MCM8: variants seen among roughly 807,000 people sequenced by gnomAD.
MCM8 encodes the protein minichromosome maintenance 8 homologous recombination repair factor, also known as DNA helicase MCM8.
Under a neutral mutation model 98.9 loss-of-function variants are expected in MCM8, and 85 were observed. The observed-to-expected ratio is 0.86, with a 90% CI of 0.72 to 1.03. The LOEUF (loss-of-function observed/expected upper bound fraction) is 1.03, where lower values mean the gene tolerates loss of function less well. MCM8 is among the 50% of genes least tolerant of loss of function. The pLI is 0.00. For missense variants in MCM8, 951 were observed against 997.8 expected (o/e 0.95, Z 0.63); for synonymous variants, 352 against 338.6 (o/e 1.04, Z -0.44).
chr20:5,962,100 G>C (rs958228261), intron 7 of MCM8, among the ~76,000 whole-genome samples: 4 of 152,170 alleles, frequency 2.6e-5, no homozygotes, highest in Non-Finnish European at 5.9e-5. Flanking sequence ...GGCTGGCCAG[G>C]CATCTTCTTC....
chr20:5,998,808 T>C lies in MCM8; in HGVS notation c.*4417T>C, dbSNP rs1423374488. On this transcript the variant is annotated 3_prime_UTR_variant, in exon 19 of 19. Transcript: ENST00000610722. ...TTCACAAAACTACCTACTCGTTTTATTTAACCCTCAGAAGAACTGAAAACA... is the reference window on the plus strand; with the variant it reads ...TTCACAAAACTACCTACTCGTTTTACTTAACCCTCAGAAGAACTGAAAACA... 6.6e-6 allele frequency: 1 copy of C among 152,240 alleles called. No individual in the cohort carries two copies. The highest frequency in any genetic ancestry group is 2.4e-5 in the African/African-American group (1 of 41,458). 9.4% of individuals were successfully genotyped at this position (152,240 alleles called of 1,614,324 possible). A position where few individuals can be genotyped will look rare whatever the true frequency, so the allele number is the denominator to read the frequency against.
chr20:5,958,670 T>C lies in MCM8; in HGVS notation c.733T>C (p.Cys245Arg), dbSNP rs1423328161. ...CTKMAFLCAA[C>R]GEIQSFPLPD... The stretch of plus-strand genomic sequence containing the variant: ...CAAGATGGCTTTTCTTTGTGCTGCA[T>C]GTGGAGAAATTCAGAGCTTTCCTCT... Residue 245 changes from cysteine to arginine, a missense_variant, in exon 7 of 19, where the codon TGT becomes CGT. By Grantham distance (180) the Cys-to-Arg change is radical (BLOSUM62 -3). Coordinates refer to ENST00000610722, the MANE Select transcript of MCM8 (RefSeq NM_032485.6). 1 of 1,614,178 alleles carries C rather than the reference T, an allele frequency of 6.2e-7. No homozygotes were observed. Among genetic ancestry groups the C allele is most frequent in the Admixed American group, 1.7e-5 (1 of 60,028 alleles).
intron 10 of MCM8, among the ~76,000 whole-genome samples, chr20:5,971,757 T>A (rs906139137): frequency 3.9e-5 from 6 of 152,230 alleles, no homozygotes; most frequent in African/African-American, 1.4e-4. Context: ...AACATTGTAT[T>A]TAGTTACTTT....
intron 6 of MCM8, among the ~76,000 whole-genome samples, chr20:5,957,877 C>G (rs1392348699): frequency 2.6e-5 from 4 of 152,120 alleles, no homozygotes; most frequent in African/African-American, 9.7e-5. Context: ...AGGTAATCAT[C>G]AGCATTTTGT....
intron 8 of MCM8, chr20:5,965,622 TTA>T (rs1463328383): frequency 6.6e-6 from 1 of 152,208 alleles, no homozygotes; most frequent in Non-Finnish European, 1.5e-5. Flanking sequence ...TTTTTACCCC[TTA>T]AATGAAAATG....
In MCM8 at chr20:5,967,990, T is replaced by C. The variant is rs373956406; in HGVS notation, c.1188T>C (p.Ile396=). The change falls in exon 10 of 19, where the codon ATT becomes ATC. Residue 396 remains isoleucine (I), a synonymous_variant. Transcript: ENST00000610722. ...AAGACCTTTATGCCATCCAAGAGAT[T>C]CAAGCTGAAGAAAACCTGTTTAAAC... ...SLKDLYAIQE[I]QAEENLFKLI... is the part of the protein sequence containing the mutation. The C allele has an allele frequency of 3.1e-6, 5 of 1,612,220 alleles. No homozygotes were observed. The highest frequency in any genetic ancestry group is 2.2e-5 in the East Asian group (1 of 44,806).
chr20:5,969,713 A>G (rs1488720963), intron 10 of MCM8, among the ~76,000 whole-genome samples: 1 of 152,148 alleles, frequency 6.6e-6, no homozygotes, highest in Non-Finnish European at 1.5e-5. Flanking sequence ...CTGAGTAAAG[A>G]ATAGTGCTCC....
rs1223478418 is a variant in MCM8, at chr20:5,977,999, C to G, written c.1519C>G (p.Leu507Val). 20 of 1,614,056 alleles carry G rather than the reference C, an allele frequency of 1.2e-5. No homozygotes were observed. Among genetic ancestry groups the G allele is most frequent in the Non-Finnish European group, 1.7e-5 (20 of 1,180,052 alleles). Residue 507 changes from leucine to valine, a missense_variant, in exon 13 of 19, where the codon CTG becomes GTG. By Grantham distance (32) the Leu-to-Val change is conservative. Transcript: ENST00000610722. ...AGATTTTGCTTTGGAAGCTGGTGCCCTGGTACTTGGTGATCAAGGTGAGAG... is the reference window on the plus strand; with the variant it reads ...AGATTTTGCTTTGGAAGCTGGTGCCGTGGTACTTGGTGATCAAGGTGAGAG... ...SGDFALEAGALVLGDQGICGI... is the reference protein window; with the variant it reads ...SGDFALEAGAVVLGDQGICGI...
At chr20:5,970,805 T>C (rs76498344) in intron 10 of MCM8, among the ~76,000 whole-genome samples, 11,270 of 152,230 alleles carry the variant, frequency 0.074, 524 homozygotes, top group East Asian at 0.24. Context: ...CTGTTTTATA[T>C]TCTTTCTCTT....
chr20:5,977,781 A>G (rs559691540), intron 12 of MCM8, 95 bp from the exon 13 acceptor site: 1 of 1,310,872 alleles, frequency 7.6e-7, no homozygotes, highest in South Asian at 1.4e-5. Context: ...TCTTAAAAGA[A>G]TACCTAGCAT....
At position 5,967,453 on chromosome 20, in the gene MCM8, C is replaced by A; in HGVS notation, c.893C>A (p.Ser298Tyr). 2 of 1,613,528 alleles carry A rather than the reference C, an allele frequency of 1.2e-6. No homozygotes were observed. Among genetic ancestry groups the A allele is most frequent in the South Asian group, 2.2e-5 (2 of 90,922 alleles). ...WQSIKIQELM[S>Y]DDQREAGRIP... ...CTTTTTAGAATCCAGGAATTGATGT[C>A]TGATGATCAGAGAGAAGCAGGTCGG... The change falls in exon 9 of 19, where the codon TCT (serine) becomes TAT (tyrosine). Residue 298 changes from serine to tyrosine, a missense_variant. By Grantham distance (144) the Ser-to-Tyr change is moderately radical (BLOSUM62 -2). Coordinates refer to ENST00000610722, the MANE Select transcript of MCM8 (RefSeq NM_032485.6).
chr20:5,951,157 T>C (rs1352910705), intron 1 of MCM8, 134 bp downstream of exon 1: 1 of 152,264 alleles, frequency 6.6e-6, no homozygotes, highest in African/African-American at 2.4e-5. Context: ...TCTCAGCATA[T>C]TGTCTCGTTT....
intron 13 of MCM8, among the ~76,000 whole-genome samples, chr20:5,982,117 A>G (rs569317406): frequency 5.3e-5 from 8 of 152,076 alleles, no homozygotes; most frequent in Non-Finnish European, 1.2e-4. Flanking sequence ...AACTAAAGGC[A>G]CTGTATGTGC....
chr20:5,987,753 A>G (rs1180091787), intron 17 of MCM8, among the ~76,000 whole-genome samples: 4 of 152,082 alleles, frequency 2.6e-5, no homozygotes, highest in African/African-American at 7.2e-5. Flanking sequence ...AGAGTATTCT[A>G]TTGTGTAGAT....
chr20:5,968,909 A>G (rs1242790508), intron 10 of MCM8, among the ~76,000 whole-genome samples: 1 of 152,246 alleles, frequency 6.6e-6, no homozygotes, highest in Non-Finnish European at 1.5e-5. Context: ...TTTTATTTCC[A>G]TGCTATTGCC....
chr20:5,976,300 T>G (rs1036229588), intron 12 of MCM8, among the ~76,000 whole-genome samples: 1 of 152,186 alleles, frequency 6.6e-6, no homozygotes, highest in South Asian at 2.1e-4. Context: ...GGCATGCTCC[T>G]ATAGTCCCAG....
intron 1 of MCM8, among the ~76,000 whole-genome samples, chr20:5,951,743 G>C (rs545499248): frequency 6.6e-6 from 1 of 152,278 alleles, no homozygotes; most frequent in East Asian, 1.9e-4. Context: ...TACAGTACCT[G>C]TCCTTATTTT....
chr20:5,982,166 C>G (rs914671799), intron 13 of MCM8, among the ~76,000 whole-genome samples: 1 of 152,156 alleles, frequency 6.6e-6, no homozygotes, highest in African/African-American at 2.4e-5. Flanking sequence ...ATTGGGGACT[C>G]TCTAACATTA....
intron 10 of MCM8, among the ~76,000 whole-genome samples, chr20:5,969,390 G>C (rs1468880142): frequency 6.6e-6 from 1 of 152,036 alleles, no homozygotes; most frequent in African/African-American, 2.4e-5. Context: ...TCAGGAGTTC[G>C]AGACCAACCG....
Sources: gnomAD v4.1 joint callset for allele counts (sites outside exome capture counted in the v4.1 genomes callset) on GRCh38, gnomAD v4.1.1 for gene constraint, MANE v1.5 for transcripts, NCBI Gene and HGNC (gene_info 2026-07-23, HGNC 2026-07-21) for gene names.